Variants in MRAP observed in about 807,000 individuals in gnomAD.
MRAP encodes melanocortin 2 receptor accessory protein, also known as melanocortin-2 receptor accessory protein.
A neutral mutation model predicts 8.7 loss-of-function variants in MRAP; 8 were observed. The observed-to-expected ratio is 0.92, with a 90% CI of 0.54 to 1.66. MRAP has a LOEUF of 1.66. Among genes scored for constraint, MRAP ranks in the 40% most tolerant of loss-of-function variants. MRAP has a pLI of 0.00. For synonymous variants in MRAP, 95 were observed against 95.5 expected (o/e 1.00, Z 0.03); for missense variants, 237 against 217.1 (o/e 1.09, Z -0.58).
chr21:32,311,682 AG>A lies in MRAP; in HGVS notation c.207del, dbSNP rs758756101. 1.1e-5 allele frequency: 17 copies of A among 1,613,742 alleles called. No homozygotes were observed. The highest frequency in any genetic ancestry group is 1.4e-5 in the Non-Finnish European group (17 of 1,179,944). On this transcript the variant is annotated splice_acceptor_variant, in intron 2 of 2. Coordinates refer to ENST00000303645, the MANE Select transcript of MRAP (RefSeq NM_001379228.1). LOFTEE classifies it high-confidence loss of function. ...CTGCCTCCCACTCTGCTCTGTTCACAGGAACAGCCCCAAGCACCACCAAACA... is the reference window on the plus strand; with the variant it reads ...CTGCCTCCCACTCTGCTCTGTTCACAGAACAGCCCCAAGCACCACCAAACA...
chr21:32,310,923 G>A (rs1467978031), intron 2 of MRAP: 1 of 152,246 alleles, frequency 6.6e-6, no homozygotes, highest in Non-Finnish European at 1.5e-5. Flanking sequence ...AGGATTACAG[G>A]TGTGAACCTC....
At chr21:32,306,534 A>T in intron 1 of MRAP, 106 bp from the exon 2 acceptor site, 1 of 881,864 alleles carries the variant, frequency 1.1e-6, no homozygotes, top group Non-Finnish European at 1.9e-6. Context: ...AGGACAACCG[A>T]AACTCAGGGC....
At position 32,311,718 on chromosome 21, in the gene MRAP, A is replaced by T. The variant is rs939943819; in HGVS notation, c.241A>T (p.Ser81Cys). 6.2e-7 allele frequency: 1 copy of T among 1,613,908 alleles called. No homozygotes were observed. The highest frequency in any genetic ancestry group is 1.3e-5 in the African/African-American group (1 of 74,934). The change falls in exon 3 of 3, where the codon AGT becomes TGT. Residue 81 changes from serine (S) to cysteine (C), a missense_variant. Transcript: ENST00000303645. ...CAAGCACCACCAAACATGCCCCTGG[A>T]GTCACGGCCTCAACCTCCACCTCTG... ...SPKHHQTCPW[S>C]HGLNLHLCIQ... is the part of the protein sequence containing the mutation.
At position 32,299,616 on chromosome 21, in the gene MRAP, C is replaced by T. The variant is rs534628469; in HGVS notation, c.106+539C>T. On this transcript the variant is annotated intron_variant, in intron 1 of 2. Coordinates refer to ENST00000303645, the MANE Select transcript of MRAP (RefSeq NM_001379228.1). ...AAAGTGCTGGGATTACAGGTGTGAG[C>T]CACCGTGCCTGGCGAGAATATTCTT... Among the ~76,000 whole-genome samples the T allele has an allele frequency of 1.3e-4, 20 of 152,286 alleles. No homozygotes were observed. The South Asian group carries it at 3.9e-3, about 30-fold the overall frequency.
At chr21:32,303,380 T>C (rs1568796763) in intron 1 of MRAP, among the ~76,000 whole-genome samples, 1 of 152,224 alleles carries the variant, frequency 6.6e-6, no homozygotes, top group African/African-American at 2.4e-5. Flanking sequence ...CAGAAGTGTC[T>C]ACTATAAGAA....
intron 1 of MRAP, among the ~76,000 whole-genome samples, chr21:32,300,190 C>T (rs1490481293): frequency 6.6e-6 from 1 of 152,186 alleles, no homozygotes; most frequent in Admixed American, 6.5e-5. Flanking sequence ...AGTTCGAGGC[C>T]AGCCTGGGCA....
chr21:32,309,696 A>G (rs950898594), intron 2 of MRAP, among the ~76,000 whole-genome samples: 36 of 149,766 alleles, frequency 2.4e-4, no homozygotes, highest in African/African-American at 8.8e-4. Context: ...TAATCCTAGC[A>G]CTTTGAGAGG....
rs1413314715 is a variant in MRAP at position 32,308,008 on chromosome 21, G to T, written c.206+1269G>T. 2.0e-5 allele frequency among the ~76,000 whole-genome samples: 3 copies of T among 152,154 alleles called. No homozygotes were observed. In the East Asian group the frequency reaches 5.8e-4, roughly 29 times the overall value. On this transcript the variant is annotated intron_variant, in intron 2 of 2. Coordinates refer to ENST00000303645, the MANE Select transcript of MRAP (RefSeq NM_001379228.1). ...AATGAAAATATATCTCACTAAAGCT[G>T]TTAAAGAAAATGAAGCCAACTTGAC...
intron 2 of MRAP, among the ~76,000 whole-genome samples, chr21:32,310,787 C>CA (rs2032544286): frequency 6.6e-6 from 1 of 151,926 alleles, no homozygotes; most frequent in Admixed American, 6.6e-5. Flanking sequence ...GCTGGGATTA[C>CA]AGGCGCCCAC....
upstream of MRAP, among the ~76,000 whole-genome samples, chr21:32,294,923 T>A (rs997142000): frequency 6.6e-6 from 1 of 152,106 alleles, no homozygotes; most frequent in Non-Finnish European, 1.5e-5. Flanking sequence ...TTTATTCCTA[T>A]GTGTTTTATA....
At chr21:32,294,471 T>C (rs2032104675), upstream of MRAP, among the ~76,000 whole-genome samples, 1 of 152,202 alleles carries the variant, frequency 6.6e-6, no homozygotes. Flanking sequence ...GGAGCACTTT[T>C]TGATGTGCGT....
intron 1 of MRAP, among the ~76,000 whole-genome samples, chr21:32,304,278 G>C (rs1375960990): frequency 2.0e-5 from 3 of 152,160 alleles, no homozygotes; most frequent in Non-Finnish European, 2.9e-5. Flanking sequence ...ACAATGCACA[G>C]GGGGTGGGCA....
upstream of MRAP, among the ~76,000 whole-genome samples, chr21:32,294,970 C>G (rs1253376494): frequency 6.6e-6 from 1 of 151,558 alleles, no homozygotes; most frequent in Non-Finnish European, 1.5e-5. Context: ...ATGATAGTAT[C>G]AAAAAAGCAT....
At chr21:32,310,587 T>C (rs1156954382) in intron 2 of MRAP, among the ~76,000 whole-genome samples, 1 of 152,086 alleles carries the variant, frequency 6.6e-6, no homozygotes, top group Non-Finnish European at 1.5e-5. Flanking sequence ...CAGATGGCCA[T>C]GTCCACTGCC....
chr21:32,307,559 A>G (rs1226743868), intron 2 of MRAP, among the ~76,000 whole-genome samples: 1 of 150,346 alleles, frequency 6.7e-6, no homozygotes, highest in Non-Finnish European at 1.5e-5. Context: ...TCTGGGCAAC[A>G]GAGTGAGACT....
chr21:32,312,985 A>T (rs998480731), downstream of MRAP: 1 of 152,280 alleles, frequency 6.6e-6, no homozygotes, highest in Non-Finnish European at 1.5e-5. Flanking sequence ...AGGTCAGGGC[A>T]GTGGATTTAA....
intron 1 of MRAP, among the ~76,000 whole-genome samples, chr21:32,302,276 T>C (rs73901390): frequency 0.013 from 1,968 of 152,362 alleles, 50 homozygotes; most frequent in African/African-American, 0.044. Context: ...ACCATCTGGA[T>C]GTCATAAATA....
At chr21:32,310,382 G>A (rs993806590) in intron 2 of MRAP, among the ~76,000 whole-genome samples, 2 of 152,278 alleles carry the variant, frequency 1.3e-5, no homozygotes, top group African/African-American at 2.4e-5. Flanking sequence ...ATTCTTAGGC[G>A]AGTGCCATCT....
At chr21:32,304,962 G>GTTT (rs1319327133) in intron 1 of MRAP, among the ~76,000 whole-genome samples, 3 of 100,356 alleles carry the variant, frequency 3.0e-5, no homozygotes, top group Admixed American at 1.1e-4. Flanking sequence ...TGTTTTTTTT[G>GTTT]TTGTTTTTTT....
Sources: gnomAD v4.1 joint callset for allele counts (sites outside exome capture counted in the v4.1 genomes callset) on GRCh38, gnomAD v4.1.1 for gene constraint, MANE v1.5 for transcripts, NCBI Gene and HGNC (gene_info 2026-07-23, HGNC 2026-07-21) for gene names.